The following CACNA1H variants were observed in gnomAD, a reference collection of about 807,000 sequenced individuals.
CACNA1H encodes voltage-dependent T-type calcium channel subunit alpha-1H.
A neutral mutation model predicts 192.5 loss-of-function variants in CACNA1H; 149 were observed. The observed-to-expected ratio is 0.77, with a 90% CI of 0.68 to 0.89. The LOEUF (loss-of-function observed/expected upper bound fraction) is 0.89. Ranked by LOEUF, CACNA1H falls within the 40% of genes least tolerant of loss-of-function variation. CACNA1H has a pLI of 0.00. For missense variants in CACNA1H, 4,257 were observed against 3,423.5 expected (o/e 1.24, Z -6.08); for synonymous variants, 2,202 against 1,475.2 (o/e 1.49, Z -11.29).
chr16:1,186,427 A>G (rs1025200476), intron 2 of CACNA1H, among the ~76,000 whole-genome samples: 1 of 152,074 alleles, frequency 6.6e-6, no homozygotes, highest in African/African-American at 2.4e-5. Context: ...GCCGTGCAGA[A>G]AGCCGGACGA....
At chr16:1,162,505 CAG>C (rs1297042616) in intron 2 of CACNA1H, among the ~76,000 whole-genome samples, 4 of 152,306 alleles carry the variant, frequency 2.6e-5, no homozygotes, top group African/African-American at 7.2e-5. Flanking sequence ...GAGCAGCCCC[CAG>C]AGAGAGAGGA....
intron 34 of CACNA1H, 87 bp from the exon 35 acceptor site, chr16:1,219,894 C>A: frequency 9.1e-7 from 1 of 1,094,364 alleles, no homozygotes; most frequent in Non-Finnish European, 1.2e-6. Flanking sequence ...CTCTCCAGTA[C>A]CTGGATGGTG....
intron 2 of CACNA1H, among the ~76,000 whole-genome samples, chr16:1,154,728 G>C (rs1962072606): frequency 6.6e-6 from 1 of 152,198 alleles, no homozygotes; most frequent in African/African-American, 2.4e-5. Flanking sequence ...GGCTGGAGAG[G>C]AAGAGGCAGC....
At chr16:1,154,584 G>A (rs980698561) in intron 2 of CACNA1H, among the ~76,000 whole-genome samples, 6 of 152,170 alleles carry the variant, frequency 3.9e-5, no homozygotes, top group Non-Finnish European at 7.4e-5. Flanking sequence ...AGGCGGTGAC[G>A]TTGGTTGTGA....
intron 12 of CACNA1H, chr16:1,206,665 C>A: frequency 4.8e-6 from 2 of 420,412 alleles, no homozygotes; most frequent in Non-Finnish European, 8.6e-6. Flanking sequence ...GGCTAGGCAG[C>A]CAGGCAGGCC....
Position 1,180,030 on chromosome 16 carries a change from C to T in CACNA1H, c.300-14942C>T, listed in dbSNP as rs953339506. ...GATAACAGGCGTGAGCCACCATGCC[C>T]GGCCCGGCCTTGTTTTTTAATATAC... On this transcript the variant is annotated intron_variant, in intron 2 of 34. Coordinates refer to ENST00000348261, the MANE Select transcript of CACNA1H (RefSeq NM_021098.3). The surrounding 1 kb of genome is among the most constrained non-coding windows in gnomAD (Gnocchi z 4.4). Among the ~76,000 whole-genome samples the T allele has an allele frequency of 3.3e-5, 5 of 152,154 alleles. No individual in the cohort carries two copies. The highest frequency in any genetic ancestry group is 1.2e-4 in the African/African-American group (5 of 41,434).
chr16:1,202,461 C>T lies in CACNA1H; in HGVS notation c.2002+9C>T. 9.5e-6 allele frequency: 14 copies of T among 1,473,458 alleles called. No homozygotes were observed. Among genetic ancestry groups the T allele is most frequent in the Non-Finnish European group, 1.2e-5 (13 of 1,109,044 alleles). 91.3% of individuals were successfully genotyped at this position (1,473,458 alleles called of 1,614,324 possible). On this transcript the variant is annotated intron_variant, in intron 9 of 34. Coordinates refer to ENST00000348261, the MANE Select transcript of CACNA1H (RefSeq NM_021098.3). ...TGTGGTCGGGGAGCATGGTGAGGACCCAGCCCCACCCCACGGAGGAGGCGG... is the reference window on the plus strand; with the variant it reads ...TGTGGTCGGGGAGCATGGTGAGGACTCAGCCCCACCCCACGGAGGAGGCGG...
intron 2 of CACNA1H, among the ~76,000 whole-genome samples, chr16:1,169,031 C>G (rs556883511): frequency 6.6e-6 from 1 of 152,030 alleles, no homozygotes; most frequent in Non-Finnish European, 1.5e-5. Context: ...AGTGCGTGGG[C>G]TCGGGTGCTC....
chr16:1,192,954 A>G (rs540875180), intron 2 of CACNA1H, among the ~76,000 whole-genome samples: 31 of 152,154 alleles, frequency 2.0e-4, no homozygotes, highest in African/African-American at 7.0e-4. Context: ...CCACAGGACA[A>G]GCAGTCCCAC....
In CACNA1H at chr16:1,180,666, G is replaced by A. The variant is rs932995158; in HGVS notation, c.300-14306G>A. On this transcript the variant is annotated intron_variant, in intron 2 of 34. Transcript: ENST00000348261. The surrounding 1 kb of genome is among the most constrained non-coding windows in gnomAD (Gnocchi z 4.4). ...GGCTTTCCCGGGGCAGGTAGGGAGGGGCCTGGGCAGGGCGGGGCAGGGAGG... is the reference window on the plus strand; with the variant it reads ...GGCTTTCCCGGGGCAGGTAGGGAGGAGCCTGGGCAGGGCGGGGCAGGGAGG... Among the ~76,000 whole-genome samples the A allele has an allele frequency of 2.0e-5, 3 of 152,154 alleles. No homozygotes were observed. Among genetic ancestry groups the A allele is most frequent in the Non-Finnish European group, 4.4e-5 (3 of 68,002 alleles).
chr16:1,157,639 C>T (rs558409683), intron 2 of CACNA1H: 9 of 152,300 alleles, frequency 5.9e-5, no homozygotes, highest in Admixed American at 2.6e-4. Flanking sequence ...TGGTCGTCCC[C>T]TACTGACCTT....
intron 2 of CACNA1H, among the ~76,000 whole-genome samples, chr16:1,186,723 G>A (rs954516313): frequency 2.6e-5 from 4 of 152,190 alleles, no homozygotes; most frequent in African/African-American, 9.7e-5. Context: ...CTCAACGGGT[G>A]GCCACGTAAT....
chr16:1,162,943 G>T (rs920411667), intron 2 of CACNA1H, among the ~76,000 whole-genome samples: 2 of 152,252 alleles, frequency 1.3e-5, no homozygotes, highest in Non-Finnish European at 2.9e-5. Context: ...CTCCACGGGT[G>T]CCTGGCCCTG....
At chr16:1,171,193 C>G (rs1341565858) in intron 2 of CACNA1H, among the ~76,000 whole-genome samples, 4 of 152,128 alleles carry the variant, frequency 2.6e-5, no homozygotes, top group Non-Finnish European at 4.4e-5. Flanking sequence ...CCCTGCCCAG[C>G]TGTCTGCTCA....
At chr16:1,155,945 C>T (rs1317642921) in intron 2 of CACNA1H, among the ~76,000 whole-genome samples, 2 of 152,062 alleles carry the variant, frequency 1.3e-5, no homozygotes, top group East Asian at 1.9e-4. Context: ...CAGGAGTATG[C>T]TCTGGTAGCC....
intron 2 of CACNA1H, among the ~76,000 whole-genome samples, chr16:1,185,276 C>T (rs1158200615): frequency 6.6e-6 from 1 of 152,208 alleles, no homozygotes; most frequent in African/African-American, 2.4e-5. Context: ...GGGCTGTTTC[C>T]ATCACAGGCC....
chr16:1,207,741 A>T, intron 14 of CACNA1H, 29 bp from the exon 15 acceptor site: 1 of 1,566,506 alleles, frequency 6.4e-7, no homozygotes, highest in Non-Finnish European at 8.7e-7. Flanking sequence ...GGGGCCCCTC[A>T]TGCCTGCCTT....
chr16:1,169,643 A>G (rs1019150745), intron 2 of CACNA1H, among the ~76,000 whole-genome samples: 16 of 151,902 alleles, frequency 1.1e-4, no homozygotes, highest in African/African-American at 3.9e-4. Context: ...CTTCCCTCGG[A>G]GATCAGGGAG....
intron 8 of CACNA1H, 120 bp downstream of exon 8, chr16:1,200,928 A>G (rs1487399723): frequency 1.4e-4 from 49 of 340,226 alleles, no homozygotes; most frequent in Non-Finnish European, 2.3e-4. Context: ...GGGAGCACAC[A>G]GGGGAGGGAG....
Sources: allele counts gnomAD v4.1 joint callset (sites outside exome capture counted in the v4.1 genomes callset), GRCh38; gene constraint gnomAD v4.1.1; non-coding constraint Gnocchi (gnomAD v3.1); transcripts MANE v1.5; gene names NCBI Gene and HGNC (gene_info 2026-07-23, HGNC 2026-07-21).